SEC63: variants seen among roughly 807,000 people sequenced by gnomAD.
The protein encoded by SEC63 is SEC63 protein translocation regulator, also known as translocation protein SEC63 homolog.
Under a neutral mutation model 116.2 loss-of-function variants are expected in SEC63, and 56 were observed. That is an observed-to-expected ratio of 0.48 (90% CI 0.39 to 0.60). The LOEUF (loss-of-function observed/expected upper bound fraction) is 0.60. Among genes scored for constraint, SEC63 ranks in the 20% least tolerant of loss-of-function variants. The pLI is 0.00. For missense variants in SEC63, 668 were observed against 900.0 expected (o/e 0.74, Z 3.30); for synonymous variants, 273 against 294.6 (o/e 0.93, Z 0.75).
intron 19 of SEC63, among the ~76,000 whole-genome samples, chr6:107,873,982 C>T (rs1786193718): frequency 6.6e-6 from 1 of 152,096 alleles, no homozygotes; most frequent in Non-Finnish European, 1.5e-5. Flanking sequence ...ATGTTTAAAA[C>T]GATTGGGTAA....
Position 107,906,545 on chromosome 6 carries a change from C to T in SEC63, c.864G>A (p.Lys288=). Residue 288 remains lysine, a synonymous_variant, in exon 10 of 21, where the codon AAG becomes AAA. Coordinates refer to ENST00000369002, the MANE Select transcript of SEC63 (RefSeq NM_007214.5). Reference sequence around the variant, plus strand: ...ATGGGCAGGTAAGTGGAGGCTCATTCTTCTTTAAATTAATGCTGCCAATTT... The same window carrying T: ...ATGGGCAGGTAAGTGGAGGCTCATTTTTCTTTAAATTAATGCTGCCAATTT... ...IREIGSINLK[K]NEPPLTCPYS... 1.2e-6 allele frequency: 2 copies of T among 1,613,268 alleles called. No homozygotes were observed. Among genetic ancestry groups the T allele is most frequent in the East Asian group, 2.2e-5 (1 of 44,860 alleles).
At chr6:107,925,138 T>C (rs1316662397) in intron 2 of SEC63, among the ~76,000 whole-genome samples, 1 of 152,206 alleles carries the variant, frequency 6.6e-6, no homozygotes, top group Non-Finnish European at 1.5e-5. Context: ...TCTAGTACAG[T>C]GTCTACTATT....
At position 107,911,834 on chromosome 6, in the gene SEC63, G is replaced by A. The variant is rs138781684; in HGVS notation, c.574-438C>T. Among the ~76,000 whole-genome samples the A allele has an allele frequency of 2.8e-3, 430 of 152,274 alleles. 5 individuals carry two copies. The highest frequency in any genetic ancestry group is 0.015 in the East Asian group (77 of 5,186). On this transcript the variant is annotated intron_variant, in intron 6 of 20. Coordinates refer to ENST00000369002, the MANE Select transcript of SEC63 (RefSeq NM_007214.5). ...AACCTCTCAGTAGTTAGTGCTCTGG[G>A]AACAAATGAGATAAGAAGCCCCTGG...
intron 1 of SEC63, among the ~76,000 whole-genome samples, chr6:107,949,870 A>C (rs1385677333): frequency 6.6e-6 from 1 of 152,108 alleles, no homozygotes; most frequent in Non-Finnish European, 1.5e-5. Flanking sequence ...TCCTGGACTC[A>C]AGTGTTCCTC....
intron 20 of SEC63, 102 bp downstream of exon 20, chr6:107,872,704 CTT>C: frequency 1.3e-6 from 1 of 741,202 alleles, no homozygotes; most frequent in South Asian, 1.6e-5. Flanking sequence ...GAGATGACTT[CTT>C]TTTCCTTCCA....
chr6:107,900,766 C>T (rs1786982865), intron 13 of SEC63, among the ~76,000 whole-genome samples: 1 of 152,188 alleles, frequency 6.6e-6, no homozygotes, highest in Non-Finnish European at 1.5e-5. Context: ...AAAGCTCAGA[C>T]CACCACCACA....
At chr6:107,874,332 C>T (rs1052256652) in intron 19 of SEC63, among the ~76,000 whole-genome samples, 14 of 152,262 alleles carry the variant, frequency 9.2e-5, no homozygotes, top group Admixed American at 3.3e-4. Context: ...CGGTGGCTCA[C>T]GCCTGTAATC....
rs982370635 is a variant in SEC63 at position 107,869,207 on chromosome 6, A to G, written c.*2497T>C. ...CAATGTGCTCCCTAACTTAAAAAAA[A>G]AATTATGAAAAATGTTTAAAAAATT... On this transcript the variant is annotated 3_prime_UTR_variant, in exon 21 of 21. Coordinates refer to ENST00000369002, the MANE Select transcript of SEC63 (RefSeq NM_007214.5). 1.3e-5 allele frequency: 2 copies of G among 152,170 alleles called. No individual in the cohort carries two copies. The highest frequency in any genetic ancestry group is 2.9e-5 in the Non-Finnish European group (2 of 68,048). The allele number at this position is 152,170 out of a possible 1,614,324, so 9.4% of individuals were successfully genotyped here. A position where few individuals can be genotyped will look rare whatever the true frequency, so the allele number is the denominator to read the frequency against.
chr6:107,954,128 ATTC>A (rs1475880859), intron 1 of SEC63, among the ~76,000 whole-genome samples: 1 of 152,154 alleles, frequency 6.6e-6, no homozygotes, highest in African/African-American at 2.4e-5. Context: ...ACTAGGAAAA[ATTC>A]TTCTGCCTTG....
At chr6:107,941,604 G>A (rs1770377506) in intron 1 of SEC63, among the ~76,000 whole-genome samples, 1 of 152,172 alleles carries the variant, frequency 6.6e-6, no homozygotes, top group South Asian at 2.1e-4. Context: ...TAATACCATT[G>A]TAGTATCCTT....
At chr6:107,942,169 C>G (rs932430503) in intron 1 of SEC63, among the ~76,000 whole-genome samples, 1 of 152,044 alleles carries the variant, frequency 6.6e-6, no homozygotes, top group Non-Finnish European at 1.5e-5. Context: ...TGTAAGTATT[C>G]AGAACACTCT....
intron 18 of SEC63, 143 bp downstream of exon 18, chr6:107,881,006 C>T: frequency 1.5e-6 from 1 of 670,334 alleles, no homozygotes; most frequent in Non-Finnish European, 2.7e-6. Flanking sequence ...GTAATATTCC[C>T]TTTTAAAAAT....
intron 16 of SEC63, among the ~76,000 whole-genome samples, chr6:107,888,784 G>A (rs1036614462): frequency 2.6e-5 from 4 of 152,184 alleles, no homozygotes; most frequent in African/African-American, 9.6e-5. Context: ...AGTTTATTGA[G>A]AGTTTTTAGC....
At chr6:107,889,129 C>T (rs1490175451) in intron 16 of SEC63, among the ~76,000 whole-genome samples, 1 of 152,194 alleles carries the variant, frequency 6.6e-6, no homozygotes, top group Non-Finnish European at 1.5e-5. Context: ...AGGATTCCCT[C>T]TTTTTCTGTT....
chr6:107,916,538 C>A (rs1196227735), intron 4 of SEC63, among the ~76,000 whole-genome samples: 1 of 152,208 alleles, frequency 6.6e-6, no homozygotes, highest in East Asian at 1.9e-4. Context: ...TATGCTATTG[C>A]AAGCAAACTT....
intron 6 of SEC63, 88 bp downstream of exon 6, chr6:107,912,628 A>C: frequency 1.3e-6 from 1 of 782,908 alleles, no homozygotes; most frequent in Non-Finnish European, 2.3e-6. Flanking sequence ...TTTCTTTGTA[A>C]TAGTTCTTCT....
intron 16 of SEC63, among the ~76,000 whole-genome samples, chr6:107,891,021 C>T (rs1431581501): frequency 6.6e-6 from 1 of 152,098 alleles, no homozygotes; most frequent in East Asian, 1.9e-4. Context: ...TCATTTCAGC[C>T]TTGGTGAATC....
rs190749312 is a variant in SEC63 at position 107,916,948 on chromosome 6, C to A, written c.453-3521G>T. On this transcript the variant is annotated intron_variant, in intron 4 of 20. Coordinates refer to ENST00000369002, the MANE Select transcript of SEC63 (RefSeq NM_007214.5). ...GGCCTCTGTTGGGAGCAAGCCCCCA[C>A]AAAATCTGGCCATAAACTGGCCCCA... Among the ~76,000 whole-genome samples the A allele has an allele frequency of 3.8e-3, 578 of 152,308 alleles. 1 individual carries two copies. The highest frequency in any genetic ancestry group is 0.013 in the African/African-American group (558 of 41,570).
intron 10 of SEC63, among the ~76,000 whole-genome samples, chr6:107,906,145 G>A (rs956910353): frequency 6.6e-6 from 1 of 152,084 alleles, no homozygotes; most frequent in African/African-American, 2.4e-5. Flanking sequence ...GTTTAAAAAC[G>A]TGTGGCATCT....
Sources: allele counts gnomAD v4.1 joint callset (sites outside exome capture counted in the v4.1 genomes callset), GRCh38; gene constraint gnomAD v4.1.1; transcripts MANE v1.5; gene names NCBI Gene and HGNC (gene_info 2026-07-23, HGNC 2026-07-21).